Variants in NISCH observed in about 807,000 individuals in gnomAD.
NISCH encodes I-1 receptor candidate protein.
NISCH carries 55 observed loss-of-function variants against 138.4 expected under a neutral mutation model. That is an observed-to-expected ratio of 0.40 (90% confidence interval 0.32 to 0.50). The LOEUF is 0.50. NISCH is among the 20% of genes least tolerant of loss of function. NISCH has a pLI of 0.71. For missense variants in NISCH, 1,643 were observed against 2,005.5 expected (o/e 0.82, Z 3.45); for synonymous variants, 860 against 861.5 (o/e 1.00, Z 0.03).
In NISCH at chr3:52,487,607, C is replaced by G; in HGVS notation, c.2115C>G (p.Ile705Met). Reference sequence around the variant, plus strand: ...ACGAGGACTTCCTGCTGGAGCACATCCGCATCCTCAAGGTGCTGTGGTGCT... The same window carrying G: ...ACGAGGACTTCCTGCTGGAGCACATGCGCATCCTCAAGGTGCTGTGGTGCT... ...GADEDFLLEH[I>M]RILKVLWCFL... The change falls in exon 16 of 21, where the codon ATC (isoleucine) becomes ATG (methionine). Residue 705 changes from isoleucine (I) to methionine (M), a missense_variant. Physicochemically the swap from Ile to Met is conservative, Grantham distance 10. Transcript: ENST00000345716. The surrounding 1 kb of genome is among the most constrained non-coding windows in gnomAD (Gnocchi z 9.1). The G allele has an allele frequency of 1.2e-6, 2 of 1,613,940 alleles. No individual in the cohort carries two copies. Among genetic ancestry groups the G allele is most frequent in the Admixed American group, 1.7e-5 (1 of 60,012 alleles).
chr3:52,485,377 C>G (rs992053202), intron 14 of NISCH, among the ~76,000 whole-genome samples: 1 of 152,224 alleles, frequency 6.6e-6, no homozygotes, highest in Non-Finnish European at 1.5e-5. Context: ...AGGTATTCCC[C>G]AGTGCACAGA....
intron 4 of NISCH, 149 bp from the exon 5 acceptor site, chr3:52,471,665 C>T (rs1335122549): frequency 4.8e-6 from 4 of 829,672 alleles, no homozygotes; most frequent in Admixed American, 2.3e-5. Context: ...CCCAGGAGGG[C>T]AGCAGCTCCT....
Position 52,479,871 on chromosome 3 carries a change from G to C in NISCH, c.1416+9G>C. On this transcript the variant is annotated intron_variant, in intron 12 of 20. Transcript: ENST00000345716. The stretch of plus-strand genomic sequence containing the variant: ...GCAACCCAGAGAAGAAGGTGGGTTT[G>C]TGTGGCAGGTGGGAGGGCAGTGGTG... The C allele has an allele frequency of 6.2e-7, 1 of 1,602,262 alleles. No individual in the cohort carries two copies. Among genetic ancestry groups the C allele is most frequent in the Non-Finnish European group, 8.5e-7 (1 of 1,170,634 alleles).
chr3:52,482,328 G>T (rs576046054), intron 13 of NISCH, among the ~76,000 whole-genome samples: 4 of 152,320 alleles, frequency 2.6e-5, no homozygotes, highest in East Asian at 3.9e-4. Flanking sequence ...GCGCTGTCCA[G>T]ACAACACCCA....
intron 7 of NISCH, among the ~76,000 whole-genome samples, chr3:52,475,240 G>A (rs984070326): frequency 1.3e-5 from 2 of 151,948 alleles, no homozygotes; most frequent in Non-Finnish European, 2.9e-5. Flanking sequence ...TTCCTCTTGA[G>A]GCTTGCAGAG....
intron 3 of NISCH, among the ~76,000 whole-genome samples, chr3:52,463,297 T>G (rs138616356): frequency 7.5e-4 from 115 of 152,390 alleles, no homozygotes; most frequent in African/African-American, 2.5e-3. Flanking sequence ...TTGGTCCTTT[T>G]ATGACGGAGT....
rs984475667 is a variant in NISCH, at chr3:52,492,018, G to A, written c.4051G>A (p.Val1351Met). The A allele has an allele frequency of 1.9e-5, 30 of 1,613,296 alleles. No homozygotes were observed. Among genetic ancestry groups the A allele is most frequent in the Non-Finnish European group, 2.3e-5 (27 of 1,179,984 alleles). The change falls in exon 21 of 21, where the codon GTG becomes ATG. Residue 1351 changes from valine to methionine, a missense_variant. Val to Met is a conservative substitution (Grantham distance 21, BLOSUM62 1). Coordinates refer to ENST00000345716, the MANE Select transcript of NISCH (RefSeq NM_007184.4). ...KAPALSILLY[V>M]QAFQVGMPPP... The stretch of plus-strand genomic sequence containing the variant: ...CCCAGCCCTCAGCATCCTGCTGTAC[G>A]TGCAGGCCTTCCAGGTGGGCATGCC...
rs78604929 is a variant in NISCH, at chr3:52,483,846, C to T, written c.1529-667C>T. 1.0e-3 allele frequency among the ~76,000 whole-genome samples: 155 copies of T among 152,346 alleles called. 6 individuals are homozygous for T. In the East Asian group the frequency reaches 0.029, roughly 29 times the overall value. ...CATTTCAGGCTCTTGATGGATGTAC[C>T]TCCAAACTCTTCTCTGGATGGGTGG... On this transcript the variant is annotated intron_variant, in intron 13 of 20. Coordinates refer to ENST00000345716, the MANE Select transcript of NISCH (RefSeq NM_007184.4).
In NISCH at chr3:52,487,351, C is replaced by G. The variant is rs769120704; in HGVS notation, c.1859C>G (p.Ala620Gly). 1.2e-6 allele frequency: 2 copies of G among 1,614,090 alleles called. No individual in the cohort carries two copies. The highest frequency in any genetic ancestry group is 1.7e-6 in the Non-Finnish European group (2 of 1,180,030). ...CAGGCCATCGAGCGGCAGCTGCCTG[C>G]CTGGATCGAGGCTGCCAACCAGCGG... The part of the protein sequence containing the change: ...IRQAIERQLP[A>G]WIEAANQREE... The change falls in exon 16 of 21, where the codon GCC becomes GGC. Residue 620 changes from alanine (A) to glycine (G), a missense_variant. Ala to Gly is a moderately conservative substitution (Grantham distance 60, BLOSUM62 0). Coordinates refer to ENST00000345716, the MANE Select transcript of NISCH (RefSeq NM_007184.4). This position sits in a 1 kb window ranked among gnomAD's most constrained non-coding sequence, Gnocchi z 9.1.
chr3:52,489,196 C>T (rs1164655676), intron 16 of NISCH, 140 bp from the exon 17 acceptor site: 4 of 1,019,686 alleles, frequency 3.9e-6, no homozygotes, highest in East Asian at 4.8e-5. Flanking sequence ...TTCTGTTCTC[C>T]AATAGAGAAG....
chr3:52,491,621 TC>T, intron 20 of NISCH, 108 bp downstream of exon 20: 4 of 1,314,374 alleles, frequency 3.0e-6, no homozygotes, highest in Non-Finnish European at 4.1e-6. Context: ...GTCTCTCTTT[TC>T]TCACTTAGCT....
At chr3:52,473,090 C>T (rs181796373) in intron 6 of NISCH, among the ~76,000 whole-genome samples, 74 of 152,278 alleles carry the variant, frequency 4.9e-4, no homozygotes, top group African/African-American at 1.6e-3. Context: ...AGTTAATGAG[C>T]GGAAACCTGG....
chr3:52,476,672 C>T lies in NISCH; in HGVS notation c.918+73C>T, dbSNP rs966189147. On this transcript the variant is annotated intron_variant, in intron 8 of 20. Transcript: ENST00000345716. ...CCCTGAGTTTGAGTATTTAACTCAGCTTTTTTAGGAAGGACCACGGAAAAC... is the reference window on the plus strand; with the variant it reads ...CCCTGAGTTTGAGTATTTAACTCAGTTTTTTTAGGAAGGACCACGGAAAAC... 33 of 1,490,832 alleles carry T rather than the reference C, an allele frequency of 2.2e-5. No homozygotes were observed. The African/African-American group carries it at 2.6e-4, about 12-fold the overall frequency. The allele number at this position is 1,490,832 out of a possible 1,614,324, so 92.4% of individuals were successfully genotyped here.
intron 13 of NISCH, among the ~76,000 whole-genome samples, chr3:52,484,023 A>G (rs2153231605): frequency 6.6e-6 from 1 of 152,264 alleles, no homozygotes; most frequent in South Asian, 2.1e-4. Context: ...CATTCTTTTC[A>G]TGTTCTATCC....
intron 3 of NISCH, among the ~76,000 whole-genome samples, chr3:52,464,012 C>T (rs1044401525): frequency 2.0e-5 from 3 of 151,808 alleles, no homozygotes; most frequent in African/African-American, 7.2e-5. Context: ...CAGGTGTGAG[C>T]CACCACACCT....
chr3:52,480,765 A>G (rs1707248770), intron 13 of NISCH: 1 of 1,440,380 alleles, frequency 6.9e-7, no homozygotes, highest in Non-Finnish European at 9.1e-7. Context: ...CCAGAACACC[A>G]TGTTTGTGGG....
In NISCH at chr3:52,488,215, A is replaced by G. The variant is rs780562847; in HGVS notation, c.2723A>G (p.Tyr908Cys). 3.1e-6 allele frequency: 5 copies of G among 1,612,626 alleles called. No individual in the cohort carries two copies. In the South Asian group the frequency reaches 4.4e-5, roughly 14 times the overall value. The change falls in exon 16 of 21, where the codon TAC (tyrosine) becomes TGC (cysteine). Residue 908 changes from tyrosine (Y) to cysteine (C), a missense_variant. Physicochemically the swap from Tyr to Cys is radical, Grantham distance 194. Transcript: ENST00000345716. ...SEAVKSAAIPYWLLLTPQHLN... is the reference protein window; with the variant it reads ...SEAVKSAAIPCWLLLTPQHLN... ...GCCGTCAAGTCCGCCGCCATCCCCT[A>G]CTGGCTGTTGCTCACGCCCCAGCAC... is the stretch of plus-strand genomic sequence containing the variant.
chr3:52,490,961 G>C, intron 19 of NISCH, 128 bp downstream of exon 19: 1 of 1,295,370 alleles, frequency 7.7e-7, no homozygotes, highest in Non-Finnish European at 1.1e-6. Context: ...CTTCTTAACC[G>C]GGGTGGGAGG....
At chr3:52,481,231 G>A (rs1057260826) in intron 13 of NISCH, 6 of 1,116,846 alleles carry the variant, frequency 5.4e-6, no homozygotes, top group Admixed American at 5.0e-5. Context: ...AGGGAGAGTC[G>A]GCTGTGGTGC....
Sources: gnomAD v4.1 joint callset for allele counts (sites outside exome capture counted in the v4.1 genomes callset) on GRCh38, gnomAD v4.1.1 for gene constraint, Gnocchi (gnomAD v3.1) non-coding constraint, MANE v1.5 for transcripts, NCBI Gene and HGNC (gene_info 2026-07-23, HGNC 2026-07-21) for gene names.